The following PATJ variants were observed in gnomAD, a reference collection of about 807,000 sequenced individuals.
PATJ encodes PATJ crumbs cell polarity complex component.
PATJ carries 190 observed loss-of-function variants against 224.9 expected under a neutral mutation model. The observed-to-expected ratio is 0.84, with a 90% CI of 0.75 to 0.95. The LOEUF (loss-of-function observed/expected upper bound fraction) is 0.95. Among genes scored for constraint, PATJ ranks in the 40% least tolerant of loss-of-function variants. The probability of loss-of-function intolerance (pLI) is 0.00; values close to 1 mark genes in which losing one functional copy is unlikely to be tolerated. For synonymous variants in PATJ, 769 were observed against 820.3 expected (o/e 0.94, Z 1.07); for missense variants, 2,121 against 2,270.3 (o/e 0.93, Z 1.34).
intron 20 of PATJ, among the ~76,000 whole-genome samples, chr1:61,871,413 ACATATATATG>A (rs1412327040): frequency 7.8e-5 from 10 of 128,808 alleles, no homozygotes; most frequent in Admixed American, 1.6e-4. Context: ...GTATATATAT[ACATATATATG>A]TACATATATA....
chr1:61,792,757 TG>T (rs1381517343), intron 9 of PATJ, among the ~76,000 whole-genome samples: 1 of 152,138 alleles, frequency 6.6e-6, no homozygotes, highest in Non-Finnish European at 1.5e-5. Flanking sequence ...CTCAAACTCC[TG>T]ACCTCAGGTG....
chr1:61,776,020 GCCCAGTTACATATAAATT>G, intron 7 of PATJ, among the ~76,000 whole-genome samples: 2 of 152,182 alleles, frequency 1.3e-5, no homozygotes, highest in Admixed American at 1.3e-4. Context: ...ACTGATTATT[GCCCAGTTACATATAAATT>G]TATCCCTTTT....
chr1:62,059,457 A>G (rs1208042345), intron 31 of PATJ, among the ~76,000 whole-genome samples: 1 of 151,996 alleles, frequency 6.6e-6, no homozygotes, highest in East Asian at 1.9e-4. Context: ...CCCCGTCTCT[A>G]CTAAAAATAC....
At chr1:61,861,284 CTTTTTTTTTTT>C in intron 18 of PATJ, among the ~76,000 whole-genome samples, 2 of 48,848 alleles carry the variant, frequency 4.1e-5, no homozygotes, top group Admixed American at 3.2e-4. Flanking sequence ...TTCTTTCTTT[CTTTTTTTTTTT>C]TTTTTTTTTT....
At chr1:61,998,429 A>G (rs371259824) in intron 28 of PATJ, among the ~76,000 whole-genome samples, 1 of 151,900 alleles carries the variant, frequency 6.6e-6, no homozygotes, top group East Asian at 1.9e-4. Context: ...GTCTTTCTGT[A>G]TCGCCCAGGC....
chr1:62,009,260 A>G (rs1401453093), intron 28 of PATJ, among the ~76,000 whole-genome samples: 2 of 152,152 alleles, frequency 1.3e-5, no homozygotes, highest in Non-Finnish European at 2.9e-5. Flanking sequence ...CATACTTCAG[A>G]TAGATTATGG....
chr1:61,969,089 T>C (rs1401797699), intron 27 of PATJ, among the ~76,000 whole-genome samples: 1 of 152,234 alleles, frequency 6.6e-6, no homozygotes, highest in Non-Finnish European at 1.5e-5. Context: ...TAGTATTCCA[T>C]TGTCTGTGTA....
At chr1:61,871,260 G>A (rs540271945) in intron 20 of PATJ, among the ~76,000 whole-genome samples, 1 of 146,962 alleles carries the variant, frequency 6.8e-6, no homozygotes, top group Admixed American at 6.8e-5. Flanking sequence ...TGCTCAGGCT[G>A]AAGTGCAATG....
intron 22 of PATJ, among the ~76,000 whole-genome samples, chr1:61,896,392 C>T (rs1670371387): frequency 6.6e-6 from 1 of 152,024 alleles, no homozygotes; most frequent in Admixed American, 6.6e-5. Flanking sequence ...ATTTGGAGAA[C>T]ATTAGGAATG....
intron 13 of PATJ, among the ~76,000 whole-genome samples, chr1:61,807,150 AAAAACAAAAC>A (rs902486917): frequency 6.6e-6 from 1 of 152,172 alleles, no homozygotes; most frequent in Non-Finnish European, 1.5e-5. Context: ...ACTCCACCTC[AAAAACAAAAC>A]AAAACAAAAC....
At chr1:61,958,455 A>G (rs1453282875) in intron 27 of PATJ, among the ~76,000 whole-genome samples, 1 of 152,192 alleles carries the variant, frequency 6.6e-6, no homozygotes, top group African/African-American at 2.4e-5. Context: ...ATTATTCCCT[A>G]TATTCTTGTG....
intron 17 of PATJ, among the ~76,000 whole-genome samples, chr1:61,854,039 G>C (rs1193016378): frequency 1.3e-5 from 2 of 152,112 alleles, no homozygotes; most frequent in Admixed American, 6.6e-5. Context: ...TGGTATATTT[G>C]GTTAAAATTC....
chr1:62,106,017 G>A (rs1342682394), intron 33 of PATJ, among the ~76,000 whole-genome samples: 1 of 119,938 alleles, frequency 8.3e-6, no homozygotes, highest in Non-Finnish European at 1.7e-5. Flanking sequence ...GAGCCCAGGA[G>A]TTCTGGGCAA....
chr1:61,998,745 T>A (rs1645568881), intron 28 of PATJ, among the ~76,000 whole-genome samples: 1 of 152,214 alleles, frequency 6.6e-6, no homozygotes, highest in Non-Finnish European at 1.5e-5. Context: ...AACTATTATG[T>A]AAAACCTAGT....
chr1:61,990,146 T>C (rs556055120), intron 27 of PATJ, 22 bp from the exon 28 acceptor site: 1 of 1,534,280 alleles, frequency 6.5e-7, no homozygotes. Context: ...TCTATTTAAT[T>C]TTAAAAAAAT....
At chr1:61,779,915 G>T (rs989965506) in intron 7 of PATJ, among the ~76,000 whole-genome samples, 8 of 151,992 alleles carry the variant, frequency 5.3e-5, no homozygotes, top group African/African-American at 1.7e-4. Flanking sequence ...GTGGGTGGGG[G>T]GCAACTCTCT....
At chr1:62,047,323 A>C (rs1472435709) in intron 30 of PATJ, among the ~76,000 whole-genome samples, 8 of 152,076 alleles carry the variant, frequency 5.3e-5, no homozygotes, top group Non-Finnish European at 1.2e-4. Flanking sequence ...GTGGCGTGAT[A>C]TCGGCTCACC....
chr1:61,866,970 A>G (rs1316359234), intron 20 of PATJ, among the ~76,000 whole-genome samples: 3 of 152,182 alleles, frequency 2.0e-5, no homozygotes, highest in Non-Finnish European at 4.4e-5. Context: ...GTAAACTGTC[A>G]TGGCGCTGGT....
At position 61,754,246 on chromosome 1, in the gene PATJ, C is replaced by G. The variant is rs542298152; in HGVS notation, c.-35-8612C>G. On this transcript the variant is annotated intron_variant, in intron 1 of 43. Transcript: ENST00000642238. Reference sequence around the variant, plus strand: ...AAGTTGAAATCCCCCTCCATAAGCCCTGTTGGTTTCTTAACTAAACAGGTC... The same window carrying G: ...AAGTTGAAATCCCCCTCCATAAGCCGTGTTGGTTTCTTAACTAAACAGGTC... Among the ~76,000 whole-genome samples the G allele has an allele frequency of 2.0e-4, 30 of 152,308 alleles. 1 individual carries two copies. The South Asian group carries it at 6.0e-3, about 30-fold the overall frequency.
Sources: gnomAD v4.1 joint callset for allele counts (sites outside exome capture counted in the v4.1 genomes callset) on GRCh38, gnomAD v4.1.1 for gene constraint, MANE v1.5 for transcripts, NCBI Gene and HGNC (gene_info 2026-07-23, HGNC 2026-07-21) for gene names.